The following HEMK2 variants were observed in gnomAD, a reference collection of about 807,000 sequenced individuals.
HEMK2 encodes the protein methyltransferase HEMK2.
the HEMK2 span, among the ~76,000 whole-genome samples, chr21:28,665,334 C>CTTTTTTTTTTTTTTTTTTTTTTTTTTT: frequency 2.7e-5 from 1 of 36,690 alleles, no homozygotes; most frequent in East Asian, 1.0e-3. Context: ...ATTTATATTT[C>CTTTTTTTTTTTTTTTTTTTTTTTTTTT]TTTTTTTTTT....
At chr21:28,863,468 A>AATCTC in the HEMK2 span, among the ~76,000 whole-genome samples, 1 of 79,606 alleles carries the variant, frequency 1.3e-5, no homozygotes, top group African/African-American at 4.0e-5. Context: ...ATATATATAT[A>AATCTC]TACTTCATTA....
chr21:28,795,275 T>C, the HEMK2 span, among the ~76,000 whole-genome samples: 1 of 152,148 alleles, frequency 6.6e-6, no homozygotes, highest in Admixed American at 6.5e-5. Context: ...AGATGAGAAA[T>C]CTAAAACTAA....
the HEMK2 span, among the ~76,000 whole-genome samples, chr21:28,586,409 C>T: frequency 6.6e-6 from 1 of 152,090 alleles, no homozygotes; most frequent in African/African-American, 2.4e-5. Context: ...CTTGCAAATA[C>T]CTCTGATAAT....
chr21:28,666,927 A>C, the HEMK2 span, among the ~76,000 whole-genome samples: 2 of 152,200 alleles, frequency 1.3e-5, no homozygotes, highest in Non-Finnish European at 2.9e-5. Flanking sequence ...GTAATCTGAA[A>C]GTATTTTTTC....
the HEMK2 span, among the ~76,000 whole-genome samples, chr21:28,821,647 C>T: frequency 1.3e-5 from 2 of 152,162 alleles, no homozygotes; most frequent in African/African-American, 4.8e-5. Flanking sequence ...CAGTAGACTT[C>T]TGCCAAATTT....
the HEMK2 span, among the ~76,000 whole-genome samples, chr21:28,705,780 C>T: frequency 2.6e-5 from 4 of 152,244 alleles, no homozygotes; most frequent in Non-Finnish European, 5.9e-5. Flanking sequence ...TCAACGTTCT[C>T]GCCTTTTCCA....
the HEMK2 span, among the ~76,000 whole-genome samples, chr21:28,689,935 G>T: frequency 6.6e-6 from 1 of 152,128 alleles, no homozygotes; most frequent in Non-Finnish European, 1.5e-5. Flanking sequence ...TTTACACACG[G>T]CTAATAAAGA....
the HEMK2 span, among the ~76,000 whole-genome samples, chr21:28,842,070 T>C: frequency 6.6e-6 from 1 of 152,184 alleles, no homozygotes; most frequent in Non-Finnish European, 1.5e-5. Context: ...TTGAGTTCTA[T>C]GAGTCCTTCT....
chr21:28,882,443 T>C, the HEMK2 span, among the ~76,000 whole-genome samples: 1 of 152,154 alleles, frequency 6.6e-6, no homozygotes, highest in Non-Finnish European at 1.5e-5. Context: ...GTTATATTGA[T>C]ACAATGTCCA....
the HEMK2 span, among the ~76,000 whole-genome samples, chr21:28,612,640 C>T: frequency 2.0e-5 from 3 of 152,100 alleles, no homozygotes. Flanking sequence ...AGGAAGTCAA[C>T]CTGTCACTGT....
At chr21:28,843,386 A>T in the HEMK2 span, among the ~76,000 whole-genome samples, 3 of 152,164 alleles carry the variant, frequency 2.0e-5, no homozygotes, top group Non-Finnish European at 4.4e-5. Flanking sequence ...AACAACCCCC[A>T]TGATCCAATT....
chr21:28,798,718 G>A, the HEMK2 span, among the ~76,000 whole-genome samples: 42 of 152,218 alleles, frequency 2.8e-4, no homozygotes, highest in African/African-American at 9.2e-4. Flanking sequence ...TGTCATAGTA[G>A]GAATTGTGCC....
At chr21:28,700,595 G>A in the HEMK2 span, among the ~76,000 whole-genome samples, 1 of 152,038 alleles carries the variant, frequency 6.6e-6, no homozygotes, top group Admixed American at 6.6e-5. Flanking sequence ...GATTAAACCA[G>A]AAATAAACTG....
At chr21:28,583,906 T>C in the HEMK2 span, among the ~76,000 whole-genome samples, 1 of 152,224 alleles carries the variant, frequency 6.6e-6, no homozygotes, top group Non-Finnish European at 1.5e-5. Flanking sequence ...GTATAAAAGT[T>C]TCTAATCACT....
chr21:28,860,712 ATTT>A, the HEMK2 span, among the ~76,000 whole-genome samples: 1 of 152,088 alleles, frequency 6.6e-6, no homozygotes, highest in South Asian at 2.1e-4. Flanking sequence ...GAGTTTTCTA[ATTT>A]ATATAAACAG....
At chr21:28,876,880 T>C in the HEMK2 span, among the ~76,000 whole-genome samples, 2 of 151,848 alleles carry the variant, frequency 1.3e-5, no homozygotes, top group South Asian at 2.1e-4. Context: ...ATAGTGACAT[T>C]GCACAGTGAG....
chr21:28,832,732 G>C, the HEMK2 span, among the ~76,000 whole-genome samples: 1 of 152,144 alleles, frequency 6.6e-6, no homozygotes, highest in Non-Finnish European at 1.5e-5. Flanking sequence ...CATTGCTAGA[G>C]GATTTAACAT....
the HEMK2 span, among the ~76,000 whole-genome samples, chr21:28,660,393 T>G: frequency 1.3e-5 from 2 of 151,814 alleles, no homozygotes; most frequent in Admixed American, 1.3e-4. Context: ...CTATTTTACT[T>G]TTACATAAAA....
chr21:28,659,153 T>C, the HEMK2 span, among the ~76,000 whole-genome samples: 3 of 152,138 alleles, frequency 2.0e-5, no homozygotes, highest in Non-Finnish European at 2.9e-5. Flanking sequence ...TCTCCATATC[T>C]GTCTGATAAA....
Sources: gnomAD v4.1 joint callset for allele counts (sites outside exome capture counted in the v4.1 genomes callset) on GRCh38, gnomAD v4.1.1 for gene constraint, MANE v1.5 for transcripts, NCBI Gene and HGNC (gene_info 2026-07-23, HGNC 2026-07-21) for gene names.